The following SV2C variants were observed in gnomAD, a reference collection of about 807,000 sequenced individuals.
SV2C encodes the protein synaptic vesicle glycoprotein 2C.
Under a neutral mutation model 79.7 loss-of-function variants are expected in SV2C, and 49 were observed. That is an observed-to-expected ratio of 0.61 (90% confidence interval 0.49 to 0.78). The LOEUF is 0.78. SV2C is among the 30% of genes least tolerant of loss of function. The pLI is 0.00. For synonymous variants in SV2C, 334 were observed against 333.2 expected (o/e 1.00, Z -0.03); for missense variants, 833 against 912.9 (o/e 0.91, Z 1.13).
intron 4 of SV2C, among the ~76,000 whole-genome samples, chr5:76,222,406 T>TA (rs1011736963): frequency 2.0e-5 from 3 of 150,850 alleles, no homozygotes; most frequent in Non-Finnish European, 4.4e-5. Context: ...AAATGACAAA[T>TA]ATAGAGGTGG....
the SV2C span, among the ~76,000 whole-genome samples, chr5:75,876,344 C>A: frequency 1.3e-5 from 2 of 152,076 alleles, no homozygotes; most frequent in African/African-American, 2.4e-5. Flanking sequence ...TGCATGTTCT[C>A]TCTTGCAGGT....
downstream of SV2C, among the ~76,000 whole-genome samples, chr5:76,334,782 G>A (rs1039517096): frequency 2.0e-5 from 3 of 152,112 alleles, no homozygotes; most frequent in East Asian, 1.9e-4. Flanking sequence ...AACCAATCAC[G>A]AGCAAGAGGA....
the SV2C span, among the ~76,000 whole-genome samples, chr5:75,937,608 C>A: frequency 2.0e-5 from 3 of 152,110 alleles, no homozygotes; most frequent in Non-Finnish European, 4.4e-5. Flanking sequence ...ACTCAGAAGG[C>A]AGAAGTGGGA....
At chr5:75,979,471 A>C in the SV2C span, among the ~76,000 whole-genome samples, 1 of 151,156 alleles carries the variant, frequency 6.6e-6, no homozygotes, top group African/African-American at 2.4e-5. Context: ...TGATCACATA[A>C]TTGGAAATAA....
the SV2C span, among the ~76,000 whole-genome samples, chr5:75,950,340 A>G: frequency 6.6e-6 from 1 of 152,094 alleles, no homozygotes; most frequent in African/African-American, 2.4e-5. Context: ...ATCATTACCA[A>G]TACACAATAT....
At chr5:76,036,186 G>A in the SV2C span, among the ~76,000 whole-genome samples, 1 of 151,942 alleles carries the variant, frequency 6.6e-6, no homozygotes, top group Non-Finnish European at 1.5e-5. Flanking sequence ...GATGGGTCTT[G>A]ACTCTTTATC....
At chr5:75,890,343 T>C in the SV2C span, among the ~76,000 whole-genome samples, 3 of 152,052 alleles carry the variant, frequency 2.0e-5, no homozygotes, top group African/African-American at 4.8e-5. Flanking sequence ...ACAGTTATAG[T>C]CTACAGGATA....
At chr5:75,858,299 G>C in the SV2C span, among the ~76,000 whole-genome samples, 3 of 152,024 alleles carry the variant, frequency 2.0e-5, no homozygotes, top group Non-Finnish European at 4.4e-5. Flanking sequence ...TTTTTTGAGG[G>C]TTTTCATCAG....
At chr5:76,155,942 CAAAAAAAA>C (rs56340029) in intron 2 of SV2C, among the ~76,000 whole-genome samples, 1 of 58,070 alleles carries the variant, frequency 1.7e-5, no homozygotes, top group African/African-American at 7.1e-5. Context: ...AGGTTTCTCT[CAAAAAAAA>C]AAAAAAAAAA....
At chr5:75,878,102 A>G in the SV2C span, among the ~76,000 whole-genome samples, 1 of 152,128 alleles carries the variant, frequency 6.6e-6, no homozygotes, top group Admixed American at 6.6e-5. Context: ...AAAGCTATTA[A>G]AAGTTTGAGA....
chr5:75,848,286 C>T, the SV2C span, among the ~76,000 whole-genome samples: 1 of 152,198 alleles, frequency 6.6e-6, no homozygotes, highest in South Asian at 2.1e-4. Flanking sequence ...CTCAAGGTCA[C>T]ATTGTATACC....
intron 4 of SV2C, among the ~76,000 whole-genome samples, chr5:76,236,416 T>G (rs12521211): frequency 0.83 from 126,776 of 151,946 alleles, 53,304 homozygotes; most frequent in African/African-American, 0.94. Flanking sequence ...TACAGAATTA[T>G]CCAGGCATGG....
rs554739617 is a variant in SV2C at position 76,332,540 on chromosome 5, T to C, written c.*6993T>C. The C allele has an allele frequency of 1.1e-4, 16 of 152,332 alleles. No individual in the cohort carries two copies. The South Asian group carries it at 3.3e-3, about 32-fold the overall frequency. 9.4% of individuals were successfully genotyped at this position (152,332 alleles called of 1,614,324 possible). A position where few individuals can be genotyped will look rare whatever the true frequency, so the allele number is the denominator to read the frequency against. ...GTCAAAGCTCATCACTTTCTACTTA[T>C]TTTACTACATTTTACCATTATCTGT... On this transcript the variant is annotated 3_prime_UTR_variant, in exon 13 of 13. Coordinates refer to ENST00000502798, the MANE Select transcript of SV2C (RefSeq NM_014979.4).
chr5:76,120,777 T>C (rs1207007985), intron 1 of SV2C, among the ~76,000 whole-genome samples: 1 of 150,478 alleles, frequency 6.6e-6, no homozygotes, highest in East Asian at 1.9e-4. Context: ...TCATTGGACA[T>C]TTGGGTTGGT....
chr5:76,047,777 T>G, the SV2C span, among the ~76,000 whole-genome samples: 1 of 149,204 alleles, frequency 6.7e-6, no homozygotes, highest in Non-Finnish European at 1.5e-5. Context: ...TTTTTTTTTT[T>G]TTTTTTGAGA....
At chr5:76,085,857 A>ACACACACACACACACG in intron 1 of SV2C, among the ~76,000 whole-genome samples, 1 of 151,862 alleles carries the variant, frequency 6.6e-6, no homozygotes, top group Non-Finnish European at 1.5e-5. Context: ...ACACACACAC[A>ACACACACACACACACG]CAGAATTTTC....
the SV2C span, among the ~76,000 whole-genome samples, chr5:75,974,996 C>G: frequency 6.6e-6 from 1 of 152,136 alleles, no homozygotes; most frequent in South Asian, 2.1e-4. Context: ...ACAGCCTCTG[C>G]TCTTAACTAT....
the SV2C span, among the ~76,000 whole-genome samples, chr5:75,996,617 C>T: frequency 1.3e-5 from 2 of 152,238 alleles, no homozygotes; most frequent in South Asian, 4.1e-4. Context: ...TACCCATGAG[C>T]ATGGAATGTT....
intron 2 of SV2C, among the ~76,000 whole-genome samples, chr5:76,138,964 A>G (rs1749160303): frequency 6.6e-6 from 1 of 151,988 alleles, no homozygotes; most frequent in Admixed American, 6.6e-5. Flanking sequence ...TAAAAATCCA[A>G]AAAAATTAGT....
Sources: allele counts gnomAD v4.1 joint callset (sites outside exome capture counted in the v4.1 genomes callset), GRCh38; gene constraint gnomAD v4.1.1; transcripts MANE v1.5; gene names NCBI Gene and HGNC (gene_info 2026-07-23, HGNC 2026-07-21).